Variants in NRXN1 observed in about 807,000 individuals in gnomAD.
NRXN1 encodes the protein neurexin-1.
Under a neutral mutation model 150.9 loss-of-function variants are expected in NRXN1, and 39 were observed. The observed-to-expected ratio is 0.26, with a 90% CI of 0.20 to 0.34. The LOEUF is 0.34. Ranked by LOEUF, NRXN1 falls within the 10% of genes least tolerant of loss-of-function variation. NRXN1 has a pLI of 1.00. For synonymous variants in NRXN1, 924 were observed against 757.0 expected (o/e 1.22, Z -3.62); for missense variants, 1,815 against 1,949.9 (o/e 0.93, Z 1.30).
At chr2:50,329,677 T>TATATA (rs1558537546) in intron 17 of NRXN1, among the ~76,000 whole-genome samples, 3 of 33,928 alleles carry the variant, frequency 8.8e-5, no homozygotes, top group Admixed American at 6.8e-4. Context: ...ATATATATTT[T>TATATA]TTTTTTTCCC....
intron 8 of NRXN1, among the ~76,000 whole-genome samples, chr2:50,595,685 A>C (rs868503280): frequency 6.6e-6 from 1 of 152,180 alleles, no homozygotes; most frequent in African/African-American, 2.4e-5. Context: ...TGCCTCAGAA[A>C]ATGCATATCA....
chr2:50,394,213 T>C (rs906562628), intron 17 of NRXN1, among the ~76,000 whole-genome samples: 1 of 152,032 alleles, frequency 6.6e-6, no homozygotes, highest in Non-Finnish European at 1.5e-5. Context: ...AATCTATCTA[T>C]ATGTGATGAT....
intron 5 of NRXN1, among the ~76,000 whole-genome samples, chr2:50,744,472 A>C (rs529854814): frequency 1.4e-4 from 21 of 152,166 alleles, no homozygotes; most frequent in Non-Finnish European, 2.5e-4. Flanking sequence ...CTTATCGAGA[A>C]TCTATTAAAT....
chr2:50,563,231 A>G (rs1669366991), intron 8 of NRXN1, among the ~76,000 whole-genome samples: 1 of 152,232 alleles, frequency 6.6e-6, no homozygotes, highest in South Asian at 2.1e-4. Flanking sequence ...CAAGGAAATT[A>G]TATCTTGCTT....
At chr2:50,591,235 C>T (rs1330341108) in intron 8 of NRXN1, among the ~76,000 whole-genome samples, 1 of 149,980 alleles carries the variant, frequency 6.7e-6, no homozygotes, top group Non-Finnish European at 1.5e-5. Context: ...TGGTTTCTAG[C>T]ATGTAGTAAA....
At chr2:50,291,074 T>C (rs1488050771) in intron 17 of NRXN1, among the ~76,000 whole-genome samples, 2 of 151,452 alleles carry the variant, frequency 1.3e-5, no homozygotes, top group East Asian at 1.9e-4. Context: ...TGTTAGTGTA[T>C]GCTTACTGTC....
At chr2:50,317,728 T>A (rs902295713) in intron 17 of NRXN1, among the ~76,000 whole-genome samples, 1 of 152,018 alleles carries the variant, frequency 6.6e-6, no homozygotes, top group Non-Finnish European at 1.5e-5. Flanking sequence ...AAGCCTTACT[T>A]TGTAAAAATA....
intron 5 of NRXN1, among the ~76,000 whole-genome samples, chr2:50,784,838 T>C (rs117849140): frequency 1.3e-5 from 2 of 151,932 alleles, no homozygotes; most frequent in African/African-American, 4.8e-5. Flanking sequence ...AGATCCATAG[T>C]GGGGGCACTG....
chr2:50,321,024 T>C (rs138848322), intron 17 of NRXN1, among the ~76,000 whole-genome samples: 1 of 152,162 alleles, frequency 6.6e-6, no homozygotes, highest in Non-Finnish European at 1.5e-5. Flanking sequence ...GCATTCAGGA[T>C]TGATTATTAA....
At chr2:50,740,774 G>A (rs1420835675) in intron 5 of NRXN1, among the ~76,000 whole-genome samples, 1 of 152,076 alleles carries the variant, frequency 6.6e-6, no homozygotes, top group Non-Finnish European at 1.5e-5. Context: ...AAAGGACAAG[G>A]AGGAAGGATG....
chr2:50,656,655 A>C (rs1024233399), intron 5 of NRXN1, among the ~76,000 whole-genome samples: 36 of 152,026 alleles, frequency 2.4e-4, no homozygotes, highest in African/African-American at 8.4e-4. Context: ...CACCACCATT[A>C]ATTTCATGAT....
chr2:50,739,316 C>G, intron 5 of NRXN1: 1 of 455,394 alleles, frequency 2.2e-6, no homozygotes, highest in Non-Finnish European at 4.5e-6. Context: ...CTCCATTATG[C>G]AATGTGACTG....
intron 21 of NRXN1, among the ~76,000 whole-genome samples, chr2:49,987,745 C>T (rs1225707645): frequency 7.2e-6 from 1 of 138,546 alleles, no homozygotes; most frequent in Admixed American, 7.3e-5. Flanking sequence ...TAAATTTATT[C>T]TAGATGAAAC....
rs988280032 is a variant in NRXN1, at chr2:49,919,025, T to C, written c.*2919A>G. 1 of 152,146 alleles carries C rather than the reference T, an allele frequency of 6.6e-6. No individual in the cohort carries two copies. Among genetic ancestry groups the C allele is most frequent in the Non-Finnish European group, 1.5e-5 (1 of 67,976 alleles). The allele number at this position is 152,146 out of a possible 1,614,324, so 9.4% of individuals were successfully genotyped here. Reference sequence around the variant, plus strand: ...ACAAAGCACTAGAAGGGTAGGGTTATGTGGCCTTTCTTTGATGTCTTAGGG... The same window carrying C: ...ACAAAGCACTAGAAGGGTAGGGTTACGTGGCCTTTCTTTGATGTCTTAGGG... On this transcript the variant is annotated 3_prime_UTR_variant, in exon 23 of 23. Coordinates refer to ENST00000401669, the MANE Select transcript of NRXN1 (RefSeq NM_001330078.2).
chr2:50,117,787 AC>A (rs1436721638), intron 18 of NRXN1, among the ~76,000 whole-genome samples: 1 of 151,814 alleles, frequency 6.6e-6, no homozygotes, highest in African/African-American at 2.4e-5. Context: ...AAAAAAAAAA[AC>A]AACCAACTGT....
intron 13 of NRXN1, among the ~76,000 whole-genome samples, chr2:50,499,197 A>G (rs1558836839): frequency 1.3e-5 from 2 of 152,188 alleles, no homozygotes; most frequent in African/African-American, 4.8e-5. Context: ...ATGATTATAC[A>G]TATATTTGTA....
chr2:50,207,285 A>C (rs1177607686), intron 18 of NRXN1, among the ~76,000 whole-genome samples: 1 of 136,864 alleles, frequency 7.3e-6, no homozygotes, highest in Non-Finnish European at 1.6e-5. Context: ...ACTGCTATTA[A>C]ATTGCTGTGG....
At chr2:50,521,645 CAT>C (rs1435805972) in intron 12 of NRXN1, among the ~76,000 whole-genome samples, 6 of 152,188 alleles carry the variant, frequency 3.9e-5, no homozygotes, top group Non-Finnish European at 5.9e-5. Context: ...TTATGTACCA[CAT>C]GTTAGCCAGT....
chr2:50,470,412 GAA>G (rs1307382240), intron 16 of NRXN1, among the ~76,000 whole-genome samples: 1 of 151,708 alleles, frequency 6.6e-6, no homozygotes. Flanking sequence ...CATTAAAAAT[GAA>G]CTCAACAACA....
Sources: allele counts gnomAD v4.1 joint callset (sites outside exome capture counted in the v4.1 genomes callset), GRCh38; gene constraint gnomAD v4.1.1; transcripts MANE v1.5; gene names NCBI Gene and HGNC (gene_info 2026-07-23, HGNC 2026-07-21).